Variants in CSNK1A1 observed in about 807,000 individuals in gnomAD.
CSNK1A1 encodes casein kinase I isoform alpha.
CSNK1A1 carries 7 observed loss-of-function variants against 46.1 expected under a neutral mutation model. The ratio of observed to expected loss-of-function variants is 0.15; its 90% CI spans 0.09 to 0.29. The LOEUF (loss-of-function observed/expected upper bound fraction) is 0.29, where lower values mean the gene tolerates loss of function less well. CSNK1A1 is among the 10% of genes least tolerant of loss of function. CSNK1A1 has a pLI of 1.00. For synonymous variants in CSNK1A1, 137 were observed against 141.5 expected (o/e 0.97, Z 0.23); for missense variants, 96 against 417.1 (o/e 0.23, Z 6.71).
intron 4 of CSNK1A1, among the ~76,000 whole-genome samples, chr5:149,519,500 G>A (rs944667209): frequency 2.6e-5 from 4 of 152,116 alleles, no homozygotes; most frequent in Non-Finnish European, 4.4e-5. Context: ...TATCGATAAA[G>A]AAAGCAATTC....
chr5:149,539,521 G>C (rs1419547874), intron 2 of CSNK1A1, among the ~76,000 whole-genome samples: 2 of 151,452 alleles, frequency 1.3e-5, no homozygotes, highest in Non-Finnish European at 2.9e-5. Flanking sequence ...TGTAATTCTA[G>C]GAAAAGATGG....
At chr5:149,533,496 T>C (rs772701860) in intron 2 of CSNK1A1, among the ~76,000 whole-genome samples, 1 of 152,138 alleles carries the variant, frequency 6.6e-6, no homozygotes, top group African/African-American at 2.4e-5. Flanking sequence ...AGTGACAGCA[T>C]AGGTTGGTAT....
At chr5:149,510,488 G>GT (rs1196291381) in intron 6 of CSNK1A1, among the ~76,000 whole-genome samples, 6 of 150,098 alleles carry the variant, frequency 4.0e-5, no homozygotes, top group Non-Finnish European at 8.9e-5. Flanking sequence ...TTGTTTGTTT[G>GT]TTTTTTTGAG....
chr5:149,517,663 A>G lies in CSNK1A1; in HGVS notation c.456+2627T>C, dbSNP rs1761442419. On this transcript the variant is annotated intron_variant, in intron 4 of 9. Transcript: ENST00000377843. This position sits in a 1 kb window ranked among gnomAD's most constrained non-coding sequence, Gnocchi z 4.4. ...TGCCAAGTATGTCTGAATAATGCCA[A>G]CGTAAGAGGTGCTTGAGCAAGATCT... 3 of 598,874 alleles carry G rather than the reference A, an allele frequency of 5.0e-6. No individual in the cohort carries two copies. The highest frequency in any genetic ancestry group is 1.9e-5 in the African/African-American group (1 of 53,396). The allele number at this position is 598,874 out of a possible 1,614,324, so 37.1% of individuals were successfully genotyped here.
chr5:149,497,919 T>C, intron 9 of CSNK1A1: 1 of 799,042 alleles, frequency 1.3e-6, no homozygotes, highest in Non-Finnish European at 1.5e-6. Context: ...CCGCAACCTC[T>C]GCCTCCTGGG....
Position 149,502,409 on chromosome 5 carries a change from C to T in CSNK1A1, c.1006+3038G>A, listed in dbSNP as rs141367527. ...AGGCTGGAGTGCAGTGGCATGATCA[C>T]AGCTCTCATTGCAGCCTCAACCTCC... On this transcript the variant is annotated intron_variant, in intron 9 of 9. Transcript: ENST00000377843. 2.0e-3 allele frequency: 1,305 copies of T among 640,228 alleles called. 18 individuals carry two copies. The African/African-American group carries it at 0.024, about 12-fold the overall frequency. 39.7% of individuals were successfully genotyped at this position (640,228 alleles called of 1,614,324 possible). A position where few individuals can be genotyped will look rare whatever the true frequency, so the allele number is the denominator to read the frequency against.
chr5:149,521,100 A>G (rs1178671284), intron 3 of CSNK1A1, among the ~76,000 whole-genome samples: 3 of 152,098 alleles, frequency 2.0e-5, no homozygotes, highest in Non-Finnish European at 4.4e-5. Context: ...CCTACTATAA[A>G]TAATGCCATT....
intron 9 of CSNK1A1, among the ~76,000 whole-genome samples, chr5:149,499,946 TG>T (rs1036980685): frequency 9.5e-5 from 14 of 147,418 alleles, no homozygotes; most frequent in South Asian, 2.1e-4. Context: ...AACATGGTTG[TG>T]GGGTTTTTTT....
At chr5:149,511,376 C>G (rs751013289) in intron 6 of CSNK1A1, among the ~76,000 whole-genome samples, 14 of 149,982 alleles carry the variant, frequency 9.3e-5, no homozygotes, top group Non-Finnish European at 1.9e-4. Context: ...CATACACTCA[C>G]AAAAGTAACA....
chr5:149,515,436 C>G lies in CSNK1A1; in HGVS notation c.457-2227G>C, dbSNP rs982368981. ...CCTCCCACAACGCTAAAGGAGGAAA[C>G]CTTATTTATCAAGTAAACTACAAAT... On this transcript the variant is annotated intron_variant, in intron 4 of 9. Coordinates refer to ENST00000377843, the MANE Select transcript of CSNK1A1 (RefSeq NM_001892.6). Among the ~76,000 whole-genome samples the G allele has an allele frequency of 1.4e-4, 22 of 152,264 alleles. 1 individual carries two copies. The highest frequency in any genetic ancestry group is 5.3e-4 in the African/African-American group (22 of 41,562).
In CSNK1A1 at chr5:149,494,880, T is replaced by C. The variant is rs1248477685; in HGVS notation, c.*1973A>G. On this transcript the variant is annotated 3_prime_UTR_variant, in exon 10 of 10. Transcript: ENST00000377843. ...ACAAAAATATTTCAGAAAAAGTGCA[T>C]AGTCTAAGTGCATAGTAAATAAAAG... 6.6e-6 allele frequency: 1 copy of C among 152,206 alleles called. No individual in the cohort carries two copies. The highest frequency in any genetic ancestry group is 2.4e-5 in the African/African-American group (1 of 41,444). The allele number at this position is 152,206 out of a possible 1,614,324, so 9.4% of individuals were successfully genotyped here. A position where few individuals can be genotyped will look rare whatever the true frequency, so the allele number is the denominator to read the frequency against.
At chr5:149,531,924 C>T (rs1761913865) in intron 2 of CSNK1A1, among the ~76,000 whole-genome samples, 1 of 151,990 alleles carries the variant, frequency 6.6e-6, no homozygotes, top group African/African-American at 2.4e-5. Context: ...CACTGTGTCG[C>T]CCAGGCTGGA....
rs1284248044 is a variant in CSNK1A1 at position 149,550,139 on chromosome 5, G to A, written c.166C>T (p.Gln56Ter). 6.2e-7 allele frequency: 1 copy of A among 1,613,938 alleles called. No individual in the cohort carries two copies. The change falls in exon 2 of 10, where the codon CAG becomes TAG. Residue 56 changes from glutamine (Q) to a stop codon, truncating the protein, a stop_gained. Coordinates refer to ENST00000377843, the MANE Select transcript of CSNK1A1 (RefSeq NM_001892.6). LOFTEE classifies it high-confidence loss of function. This position sits in a 1 kb window ranked among gnomAD's most constrained non-coding sequence, Gnocchi z 4.3. Reference sequence around the variant, plus strand: ...TAGAGCTTGCTCTCGTACAGCAACTGGGGATGCCTGGCCTTCTGAGATTCT... The same window carrying A: ...TAGAGCTTGCTCTCGTACAGCAACTAGGGATGCCTGGCCTTCTGAGATTCT... ...KLESQKARHP[Q>*]LLYESKLYKI...
intron 2 of CSNK1A1, among the ~76,000 whole-genome samples, chr5:149,540,362 T>C (rs895907574): frequency 1.3e-5 from 2 of 152,178 alleles, no homozygotes; most frequent in Non-Finnish European, 2.9e-5. Context: ...AAAATCCCCA[T>C]TAAAGGGCCA....
Position 149,536,401 on chromosome 5 carries a change from T to A in CSNK1A1, c.231-11230A>T, listed in dbSNP as rs1762063496. On this transcript the variant is annotated intron_variant, in intron 2 of 9. Transcript: ENST00000377843. ...TGCATTAATTAATTTGCTTAGAAAA[T>A]CCTCTTTAAATGGATAGAGCTAAGT... Among the ~76,000 whole-genome samples the A allele has an allele frequency of 2.0e-5, 3 of 152,134 alleles. No individual in the cohort carries two copies. The South Asian group carries it at 6.2e-4, about 32-fold the overall frequency.
At chr5:149,503,335 C>T in intron 9 of CSNK1A1, 1 of 985,304 alleles carries the variant, frequency 1.0e-6, no homozygotes, top group Non-Finnish European at 1.2e-6. Flanking sequence ...TTGTCTTGAG[C>T]ACAAAGTTTT....
At chr5:149,516,415 G>C (rs1042302115) in intron 4 of CSNK1A1, among the ~76,000 whole-genome samples, 5 of 150,734 alleles carry the variant, frequency 3.3e-5, no homozygotes, top group African/African-American at 1.2e-4. Flanking sequence ...CCATTCAATA[G>C]AGGCACATTT....
chr5:149,542,638 A>ATATATATATATGTATG (rs1762309881), intron 2 of CSNK1A1, among the ~76,000 whole-genome samples: 1 of 12,900 alleles, frequency 7.8e-5, no homozygotes, highest in Admixed American at 1.6e-3. Flanking sequence ...ATATATATAT[A>ATATATATATATGTATG]TGTATATATA....
rs769413851 is a variant in CSNK1A1, at chr5:149,507,113, C to T, written c.771G>A (p.Ala257=). The part of the protein sequence containing the change: ...VLCKGFPAEF[A]MYLNYCRGLR... The stretch of plus-strand genomic sequence containing the variant: ...GCCCACGACAATAGTTTAAGTACAT[C>T]GCAAATTCTGCAGGAAACCCCTATA... Residue 257 remains alanine (A), a synonymous_variant, in exon 8 of 10, where the codon GCG becomes GCA. Coordinates refer to ENST00000377843, the MANE Select transcript of CSNK1A1 (RefSeq NM_001892.6). 22 of 1,613,118 alleles carry T rather than the reference C, an allele frequency of 1.4e-5. No homozygotes were observed. Among genetic ancestry groups the T allele is most frequent in the Middle Eastern group, 1.6e-4 (1 of 6,080 alleles).
Sources: gnomAD v4.1 joint callset for allele counts (sites outside exome capture counted in the v4.1 genomes callset) on GRCh38, gnomAD v4.1.1 for gene constraint, Gnocchi (gnomAD v3.1) non-coding constraint, MANE v1.5 for transcripts, NCBI Gene and HGNC (gene_info 2026-07-23, HGNC 2026-07-21) for gene names.